Variants in ARK2C observed in about 807,000 individuals in gnomAD.
ARK2C encodes the protein arkadia (RNF111) C-terminal like ring finger ubiquitin ligase 2C, also known as E3 ubiquitin-protein ligase ARK2C.
chr18:46,405,581 G>T, the ARK2C span, among the ~76,000 whole-genome samples: 4 of 152,112 alleles, frequency 2.6e-5, no homozygotes, highest in Non-Finnish European at 5.9e-5. Context: ...AGCGCAAGAG[G>T]AAAAATGCTA....
At chr18:46,450,629 T>C in the ARK2C span, 11 of 1,202,984 alleles carry the variant, frequency 9.1e-6, no homozygotes, top group Non-Finnish European at 7.4e-6. Flanking sequence ...GTCTTCCAGC[T>C]CCCAATCCAT....
the ARK2C span, among the ~76,000 whole-genome samples, chr18:46,426,362 C>T: frequency 6.6e-6 from 1 of 152,174 alleles, no homozygotes; most frequent in South Asian, 2.1e-4. Flanking sequence ...CTGATCTCTG[C>T]TTCTCCCTTT....
chr18:46,443,987 AT>A, the ARK2C span, among the ~76,000 whole-genome samples: 1 of 152,116 alleles, frequency 6.6e-6, no homozygotes, highest in Non-Finnish European at 1.5e-5. Context: ...TTTCACTGTC[AT>A]TTAAAAATAT....
chr18:46,334,727 A>C, the ARK2C span: 11 of 308,402 alleles, frequency 3.6e-5, no homozygotes, highest in Admixed American at 5.7e-5. The surrounding 1 kb of genome is among the most constrained non-coding windows in gnomAD (Gnocchi z 4.4). Context: ...AGAGAGAGAG[A>C]GAGCGCGCGC....
chr18:46,455,481 T>C, the ARK2C span, among the ~76,000 whole-genome samples: 1 of 152,172 alleles, frequency 6.6e-6, no homozygotes, highest in Non-Finnish European at 1.5e-5. Flanking sequence ...TGATGTCCAC[T>C]TGACCTCTTC....
the ARK2C span, among the ~76,000 whole-genome samples, chr18:46,371,373 C>A: frequency 6.6e-4 from 101 of 152,158 alleles, no homozygotes; most frequent in Non-Finnish European, 1.2e-3. Context: ...AAGGAGGAAG[C>A]ACAGCCCAGG....
the ARK2C span, among the ~76,000 whole-genome samples, chr18:46,428,600 A>G: frequency 6.6e-6 from 1 of 152,176 alleles, no homozygotes; most frequent in Non-Finnish European, 1.5e-5. Context: ...ACTCACCTCC[A>G]GTGGCTCCTG....
At chr18:46,431,120 A>G in the ARK2C span, among the ~76,000 whole-genome samples, 3 of 151,906 alleles carry the variant, frequency 2.0e-5, 1 homozygote. Context: ...TTCAACTCCC[A>G]CTTATGAGTG....
At chr18:46,432,304 T>G in the ARK2C span, among the ~76,000 whole-genome samples, 2 of 152,250 alleles carry the variant, frequency 1.3e-5, no homozygotes, top group African/African-American at 4.8e-5. Context: ...TACCTGGACA[T>G]GTTTGCTTTT....
chr18:46,334,366 G>C, the ARK2C span: 2 of 1,572,016 alleles, frequency 1.3e-6, no homozygotes, highest in Admixed American at 1.8e-5. This position sits in a 1 kb window ranked among gnomAD's most constrained non-coding sequence, Gnocchi z 4.4. Flanking sequence ...GGTCTGCTTC[G>C]GAGCGTGGAT....
the ARK2C span, among the ~76,000 whole-genome samples, chr18:46,346,686 A>G: frequency 6.6e-6 from 1 of 152,230 alleles, no homozygotes; most frequent in Non-Finnish European, 1.5e-5. Context: ...GTTCTCACTC[A>G]TATAAAGTAC....
At chr18:46,447,162 C>G in the ARK2C span, among the ~76,000 whole-genome samples, 2 of 152,142 alleles carry the variant, frequency 1.3e-5, no homozygotes, top group African/African-American at 4.8e-5. Context: ...TTTGTTTTCT[C>G]AAAGTGGTAA....
chr18:46,341,524 T>C, the ARK2C span, among the ~76,000 whole-genome samples: 1 of 152,108 alleles, frequency 6.6e-6, no homozygotes, highest in Non-Finnish European at 1.5e-5. Flanking sequence ...TTGAGTTTAG[T>C]GTACAGATAA....
the ARK2C span, among the ~76,000 whole-genome samples, chr18:46,418,164 C>T: frequency 1.3e-5 from 2 of 152,156 alleles, no homozygotes; most frequent in African/African-American, 2.4e-5. Flanking sequence ...GCCTGGGCAA[C>T]ATAGTGAGAC....
chr18:46,386,585 C>CCCATCCAG, the ARK2C span: 1 of 151,338 alleles, frequency 6.6e-6, no homozygotes, highest in African/African-American at 2.4e-5. Flanking sequence ...CACCCATCCA[C>CCCATCCAG]CCATCCATCC....
At chr18:46,406,805 C>T in the ARK2C span, among the ~76,000 whole-genome samples, 5 of 152,308 alleles carry the variant, frequency 3.3e-5, no homozygotes, top group South Asian at 2.1e-4. Context: ...GCCTCCTTGG[C>T]GTTGGGCCTG....
the ARK2C span, among the ~76,000 whole-genome samples, chr18:46,414,852 C>T: frequency 6.6e-6 from 1 of 152,164 alleles, no homozygotes; most frequent in Non-Finnish European, 1.5e-5. Flanking sequence ...CATTTCACCC[C>T]TAGGAAACAT....
the ARK2C span, among the ~76,000 whole-genome samples, chr18:46,364,488 A>G: frequency 6.6e-6 from 1 of 151,958 alleles, no homozygotes; most frequent in Admixed American, 6.5e-5. Context: ...TCCCCAGAGA[A>G]CCCTTCGTGA....
chr18:46,458,243 C>G, the ARK2C span: 7,905 of 152,628 alleles, frequency 0.052, 298 homozygotes, highest in Non-Finnish European at 0.076. Context: ...TTCCTGAACC[C>G]CAAAGGGAGC....
Sources: gnomAD v4.1 joint callset for allele counts (sites outside exome capture counted in the v4.1 genomes callset) on GRCh38, gnomAD v4.1.1 for gene constraint, Gnocchi (gnomAD v3.1) non-coding constraint, MANE v1.5 for transcripts, NCBI Gene and HGNC (gene_info 2026-07-23, HGNC 2026-07-21) for gene names.